Variants in GYS2 observed in about 807,000 individuals in gnomAD.
GYS2 encodes the protein glycogen synthase 2.
Under a neutral mutation model 85.6 loss-of-function variants are expected in GYS2, and 80 were observed. The observed-to-expected ratio is 0.93, with a 90% CI of 0.78 to 1.13. GYS2 has a LOEUF of 1.13. GYS2 is among the 50% of genes most tolerant of loss of function. The probability of loss-of-function intolerance (pLI) is 0.00; values close to 1 mark genes in which losing one functional copy is unlikely to be tolerated. For synonymous variants in GYS2, 328 were observed against 300.7 expected, an observed-to-expected ratio of 1.09 and a Z score of -0.94; for missense variants, 881 against 854.9, an observed-to-expected ratio of 1.03 and a Z score of -0.38.
downstream of GYS2, among the ~76,000 whole-genome samples, chr12:21,533,933 C>T (rs1227400090): frequency 6.6e-6 from 1 of 152,110 alleles, no homozygotes; most frequent in Non-Finnish European, 1.5e-5. Flanking sequence ...CTTGCTGTGT[C>T]CTCACGTGGT....
chr12:21,560,239 A>G, intron 8 of GYS2, 147 bp downstream of exon 8: 1 of 652,228 alleles, frequency 1.5e-6, no homozygotes, highest in South Asian at 1.8e-5. Context: ...CTAAAATAGT[A>G]GCACGATGAA....
At chr12:21,567,603 A>G (rs1944336659) in intron 5 of GYS2, among the ~76,000 whole-genome samples, 1 of 151,856 alleles carries the variant, frequency 6.6e-6, no homozygotes, top group South Asian at 2.1e-4. Context: ...AAAGAAGGAC[A>G]ACTAGAGACA....
rs755758873 is a variant in GYS2, at chr12:21,568,928, C to T, written c.760G>A (p.Val254Met). The T allele has an allele frequency of 6.2e-7, 1 of 1,613,428 alleles. No homozygotes were observed. Among genetic ancestry groups the T allele is most frequent in the African/African-American group, 1.3e-5 (1 of 75,022 alleles). The change falls in exon 5 of 16, where the codon GTG becomes ATG. Residue 254 changes from valine to methionine, a missense_variant. Val to Met is a conservative substitution (Grantham distance 21). Coordinates refer to ENST00000261195, the MANE Select transcript of GYS2 (RefSeq NM_021957.4). ...GTTATTTCAGAAACCGTGGTGAACA[C>T]GTGAGCGCAATGAACGGAAGCTCGC... ...MERASVHCAHVFTTVSEITAI... is the reference protein window; with the variant it reads ...MERASVHCAHMFTTVSEITAI...
chr12:21,585,991 T>C (rs1944568496), intron 1 of GYS2, among the ~76,000 whole-genome samples: 1 of 152,192 alleles, frequency 6.6e-6, no homozygotes, highest in Non-Finnish European at 1.5e-5. Flanking sequence ...TAGGCTCAAG[T>C]TGACAAGCGA....
chr12:21,572,615 T>A (rs1405935976), intron 4 of GYS2, among the ~76,000 whole-genome samples: 1 of 152,116 alleles, frequency 6.6e-6, no homozygotes, highest in East Asian at 1.9e-4. Context: ...TGGGCAGGGA[T>A]CTGACTAAAC....
intron 15 of GYS2, among the ~76,000 whole-genome samples, chr12:21,537,569 A>C (rs1943924874): frequency 1.3e-5 from 2 of 152,146 alleles, no homozygotes; most frequent in African/African-American, 4.8e-5. Flanking sequence ...CAGAAACTTT[A>C]ATGTCAACTG....
At chr12:21,538,814 A>G (rs1333992985) in intron 15 of GYS2, among the ~76,000 whole-genome samples, 5 of 152,198 alleles carry the variant, frequency 3.3e-5, no homozygotes, top group Admixed American at 3.3e-4. Context: ...TTAGAAGAAG[A>G]CACCCTGGTG....
chr12:21,586,674 CA>C (rs1259753395), intron 1 of GYS2, among the ~76,000 whole-genome samples: 14 of 152,164 alleles, frequency 9.2e-5, no homozygotes, highest in Admixed American at 9.2e-4. Context: ...TCAAAAACAG[CA>C]GATGTTGGTG....
chr12:21,604,817 T>A lies in GYS2; in HGVS notation c.-225A>T. ...CTTTCTCGTCTTTCTGGGCAGGTAT[T>A]GTGAGGACGGTATCTGCCCTGTCAG... On this transcript the variant is annotated 5_prime_UTR_variant, in exon 1 of 16. Transcript: ENST00000261195. 7.6e-7 allele frequency: 1 copy of A among 1,308,952 alleles called. No individual in the cohort carries two copies. The highest frequency in any genetic ancestry group is 9.8e-7 in the Non-Finnish European group (1 of 1,018,658). 81.1% of individuals were successfully genotyped at this position (1,308,952 alleles called of 1,614,324 possible).
At chr12:21,583,363 T>TA (rs1457877708) in intron 1 of GYS2, among the ~76,000 whole-genome samples, 5 of 152,198 alleles carry the variant, frequency 3.3e-5, no homozygotes, top group Non-Finnish European at 5.9e-5. Flanking sequence ...GCACAACGCC[T>TA]AGTGGGCCTA....
At chr12:21,587,553 T>C (rs953487782) in intron 1 of GYS2, among the ~76,000 whole-genome samples, 2 of 152,112 alleles carry the variant, frequency 1.3e-5, no homozygotes, top group African/African-American at 4.8e-5. Context: ...AAGAAGGACA[T>C]GTTTGTTTCT....
chr12:21,583,036 T>C (rs1944530243), intron 1 of GYS2, among the ~76,000 whole-genome samples: 2 of 152,026 alleles, frequency 1.3e-5, no homozygotes, highest in Non-Finnish European at 2.9e-5. Context: ...AACTCAGGAG[T>C]ATATCAACTC....
rs201855039 is a variant in GYS2 at position 21,559,120 on chromosome 12, T to C, written c.1279A>G (p.Ile427Val). 2 of 1,608,948 alleles carry C rather than the reference T, an allele frequency of 1.2e-6. No homozygotes were observed. The highest frequency in any genetic ancestry group is 1.7e-6 in the Non-Finnish European group (2 of 1,175,908). Residue 427 changes from isoleucine to valine, a missense_variant, in exon 10 of 16, where the codon ATT (isoleucine) becomes GTT (valine). By Grantham distance (29) the Ile-to-Val change is conservative. Coordinates refer to ENST00000261195, the MANE Select transcript of GYS2 (RefSeq NM_021957.4). ...GTTGAAAAGATGGCTCTTTTCATAA[T>C]TGTTAGATCATCTCGATCTAAAATA... is the stretch of plus-strand genomic sequence containing the variant. ...NDILDRDDLT[I>V]MKRAIFSTQR...
chr12:21,546,472 TAA>T lies in GYS2; in HGVS notation c.1423-4_1423-3del. On this transcript the variant is annotated splice_polypyrimidine_tract_variant and splice_region_variant and intron_variant, in intron 11 of 15. Coordinates refer to ENST00000261195, the MANE Select transcript of GYS2 (RefSeq NM_021957.4). ...TAGAAACTCTGGGTGCAAAATCACC[TAA>T]AAAAGGAAAATTCTAATTTAAAAAA... 6.3e-7 allele frequency: 1 copy of T among 1,584,912 alleles called. No individual in the cohort carries two copies. Among genetic ancestry groups the T allele is most frequent in the Non-Finnish European group, 8.6e-7 (1 of 1,159,224 alleles).
chr12:21,587,292 A>G (rs1002845159), intron 1 of GYS2, among the ~76,000 whole-genome samples: 1 of 152,176 alleles, frequency 6.6e-6, no homozygotes, highest in South Asian at 2.1e-4. Context: ...ACCACTATGC[A>G]ACATACATAT....
At chr12:21,563,665 C>T (rs946769686) in intron 5 of GYS2, among the ~76,000 whole-genome samples, 3 of 152,068 alleles carry the variant, frequency 2.0e-5, no homozygotes, top group Admixed American at 1.3e-4. Context: ...TTAATGTGTA[C>T]CAGGTGTTGC....
At chr12:21,602,347 A>G (rs568148740) in intron 1 of GYS2, among the ~76,000 whole-genome samples, 1 of 152,200 alleles carries the variant, frequency 6.6e-6, no homozygotes, top group African/African-American at 2.4e-5. Flanking sequence ...AAATACCTCT[A>G]CGAATCAATT....
rs376869969 is a variant in GYS2, at chr12:21,540,552, C to A, written c.1667G>T (p.Arg556Leu). 2 of 1,613,756 alleles carry A rather than the reference C, an allele frequency of 1.2e-6. No individual in the cohort carries two copies. Among genetic ancestry groups the A allele is most frequent in the African/African-American group, 2.7e-5 (2 of 74,878 alleles). The change falls in exon 14 of 16, where the codon CGG becomes CTG. Residue 556 changes from arginine to leucine, a missense_variant. Arg to Leu is a moderately radical substitution (Grantham distance 102, BLOSUM62 -2). Coordinates refer to ENST00000261195, the MANE Select transcript of GYS2 (RefSeq NM_021957.4). The stretch of plus-strand genomic sequence containing the variant: ...GCAAGAATCATCTGGAGAACGGAAC[C>A]GCCTGTCAACGATGTAAATACCTGA... ...TAYGIYIVDR[R>L]FRSPDDSCNQ...
chr12:21,559,757 T>A (rs745687120), intron 8 of GYS2, 47 bp from the exon 9 acceptor site: 2 of 1,152,396 alleles, frequency 1.7e-6, no homozygotes, highest in South Asian at 1.2e-5. Flanking sequence ...TGACAATGTT[T>A]AATCTTTATT....
Sources: gnomAD v4.1 joint callset for allele counts (sites outside exome capture counted in the v4.1 genomes callset) on GRCh38, gnomAD v4.1.1 for gene constraint, MANE v1.5 for transcripts, NCBI Gene and HGNC (gene_info 2026-07-23, HGNC 2026-07-21) for gene names.